The following LINGO2 variants were observed in gnomAD, a reference collection of about 807,000 sequenced individuals.
The protein encoded by LINGO2 is leucine rich repeat and Ig domain containing 2.
Under a neutral mutation model 30.6 loss-of-function variants are expected in LINGO2, and 14 were observed. The ratio of observed to expected loss-of-function variants is 0.46; its 90% CI spans 0.30 to 0.72. The LOEUF is 0.72. Ranked by LOEUF, LINGO2 falls within the 30% of genes least tolerant of loss-of-function variation. The pLI is 0.07. For synonymous variants in LINGO2, 317 were observed against 288.5 expected, an observed-to-expected ratio of 1.10 and a Z score of -1.00; for missense variants, 729 against 751.7, an observed-to-expected ratio of 0.97 and a Z score of 0.35.
At chr9:28,710,010 A>G in the LINGO2 span, among the ~76,000 whole-genome samples, 9 of 150,962 alleles carry the variant, frequency 6.0e-5, no homozygotes, top group South Asian at 1.9e-3. Context: ...AAATTCTACT[A>G]ACTTTTATCC....
intron 3 of LINGO2, among the ~76,000 whole-genome samples, chr9:28,344,152 A>T (rs1171137836): frequency 1.3e-5 from 2 of 152,174 alleles, no homozygotes; most frequent in Non-Finnish European, 2.9e-5. Context: ...GTAACAAAAA[A>T]AATGACAGAA....
chr9:28,496,759 G>T (rs1819645869), intron 1 of LINGO2, among the ~76,000 whole-genome samples: 1 of 152,110 alleles, frequency 6.6e-6, no homozygotes, highest in South Asian at 2.1e-4. Context: ...AGCATTGATG[G>T]TCTTTACAAT....
At chr9:28,363,408 C>T (rs764028714) in intron 3 of LINGO2, among the ~76,000 whole-genome samples, 3 of 152,314 alleles carry the variant, frequency 2.0e-5, no homozygotes, top group Non-Finnish European at 4.4e-5. Context: ...TGGGCAACTC[C>T]TCTGCTAGTA....
At chr9:28,773,179 C>A in the LINGO2 span, among the ~76,000 whole-genome samples, 2 of 152,082 alleles carry the variant, frequency 1.3e-5, no homozygotes, top group East Asian at 3.9e-4. Context: ...TCCTGGCTAA[C>A]ACAGTGAAAC....
intron 1 of LINGO2, among the ~76,000 whole-genome samples, chr9:28,494,917 C>T (rs1028131781): frequency 6.6e-6 from 1 of 152,176 alleles, no homozygotes; most frequent in Admixed American, 6.5e-5. Flanking sequence ...ATTCTAACTG[C>T]TGTGAGATGG....
chr9:28,671,944 A>T (rs1241495297), upstream of LINGO2, among the ~76,000 whole-genome samples: 2 of 152,066 alleles, frequency 1.3e-5, no homozygotes, highest in Non-Finnish European at 2.9e-5. Context: ...TATCATTTCA[A>T]TTTTTCTAAA....
intron 5 of LINGO2, among the ~76,000 whole-genome samples, chr9:27,982,832 TTAA>T (rs1223467708): frequency 6.6e-6 from 1 of 151,720 alleles, no homozygotes; most frequent in Admixed American, 6.6e-5. Flanking sequence ...TAAACTGTGG[TTAA>T]TAATATCAAC....
the LINGO2 span, among the ~76,000 whole-genome samples, chr9:29,055,936 G>GTGTATATATATATATATATACATATA: frequency 8.2e-6 from 1 of 121,860 alleles, no homozygotes; most frequent in African/African-American, 3.2e-5. Flanking sequence ...GTGTATGTGT[G>GTGTATATATATATATATATACATATA]TGTGTATATA....
chr9:29,083,416 C>G, the LINGO2 span, among the ~76,000 whole-genome samples: 6 of 152,016 alleles, frequency 3.9e-5, no homozygotes, highest in Non-Finnish European at 7.4e-5. Flanking sequence ...GGGAACATCA[C>G]ACACTGGGGC....
chr9:29,198,519 G>A, the LINGO2 span, among the ~76,000 whole-genome samples: 1 of 152,136 alleles, frequency 6.6e-6, no homozygotes, highest in Non-Finnish European at 1.5e-5. Flanking sequence ...CTCGGGGACA[G>A]AAGAGTTAAT....
intron 4 of LINGO2, among the ~76,000 whole-genome samples, chr9:28,076,314 G>T (rs891745285): frequency 6.6e-6 from 1 of 151,946 alleles, no homozygotes; most frequent in Admixed American, 6.6e-5. Context: ...GCTCCATTCT[G>T]TTAATTGATA....
chr9:28,842,126 A>G, the LINGO2 span, among the ~76,000 whole-genome samples: 2 of 151,974 alleles, frequency 1.3e-5, no homozygotes, highest in South Asian at 4.1e-4. Flanking sequence ...ACCAACTGAC[A>G]GTTTGACAGT....
At chr9:29,049,577 G>C in the LINGO2 span, among the ~76,000 whole-genome samples, 1 of 152,118 alleles carries the variant, frequency 6.6e-6, no homozygotes, top group Admixed American at 6.6e-5. Context: ...AATGGATAAA[G>C]AAAATGTGGT....
At chr9:28,257,274 A>G (rs1822414435) in intron 4 of LINGO2, among the ~76,000 whole-genome samples, 1 of 151,602 alleles carries the variant, frequency 6.6e-6, no homozygotes. Flanking sequence ...AGTATAAAAC[A>G]TGTTTAAAGA....
the LINGO2 span, among the ~76,000 whole-genome samples, chr9:28,847,929 A>G: frequency 9.3e-6 from 1 of 107,880 alleles, no homozygotes; most frequent in African/African-American, 3.4e-5. Context: ...GTGTGTATAT[A>G]TACAAATATA....
At chr9:28,190,962 A>C (rs1337832361) in intron 4 of LINGO2, among the ~76,000 whole-genome samples, 1 of 152,210 alleles carries the variant, frequency 6.6e-6, no homozygotes, top group Non-Finnish European at 1.5e-5. Context: ...AATAATTTGC[A>C]ATTGTGTAAG....
chr9:28,023,426 C>T (rs763313505), intron 4 of LINGO2, among the ~76,000 whole-genome samples: 3 of 152,134 alleles, frequency 2.0e-5, no homozygotes, highest in African/African-American at 7.2e-5. Context: ...AGAATCTATG[C>T]CTGGCAGTTC....
At chr9:28,591,148 G>C (rs1824885827) in intron 1 of LINGO2, among the ~76,000 whole-genome samples, 1 of 151,676 alleles carries the variant, frequency 6.6e-6, no homozygotes, top group Non-Finnish European at 1.5e-5. Flanking sequence ...TCACACACTG[G>C]GGCCTGTTGT....
the LINGO2 span, among the ~76,000 whole-genome samples, chr9:29,046,559 A>T: frequency 6.6e-6 from 1 of 152,142 alleles, no homozygotes; most frequent in African/African-American, 2.4e-5. Flanking sequence ...GATTGAAGCT[A>T]AACCCCTTTC....
Sources: gnomAD v4.1 joint callset for allele counts (sites outside exome capture counted in the v4.1 genomes callset) on GRCh38, gnomAD v4.1.1 for gene constraint, MANE v1.5 for transcripts, NCBI Gene and HGNC (gene_info 2026-07-23, HGNC 2026-07-21) for gene names.